The following SPON1 variants were observed in gnomAD, a reference collection of about 807,000 sequenced individuals.
SPON1 encodes spondin 1, also known as spondin-1.
A neutral mutation model predicts 111.7 loss-of-function variants in SPON1; 52 were observed. The ratio of observed to expected loss-of-function variants is 0.47; its 90% CI spans 0.37 to 0.59. The LOEUF is 0.59. SPON1 is among the 20% of genes least tolerant of loss of function. The pLI is 0.00. For missense variants in SPON1, 957 were observed against 1,068.5 expected (o/e 0.90, Z 1.46); for synonymous variants, 410 against 395.8 (o/e 1.04, Z -0.43).
Position 14,260,677 on chromosome 11 carries a change from C to A in SPON1, c.1921C>A (p.Leu641Ile), listed in dbSNP as rs782028036. 82 of 1,613,904 alleles carry A rather than the reference C, an allele frequency of 5.1e-5. No individual in the cohort carries two copies. The highest frequency in any genetic ancestry group is 1.6e-4 in the Middle Eastern group (1 of 6,084). Residue 641 changes from leucine (L) to isoleucine (I), a missense_variant, in exon 14 of 16, where the codon CTC becomes ATC. Coordinates refer to ENST00000576479, the MANE Select transcript of SPON1 (RefSeq NM_006108.4). ...GKGMRTRQRM[L>I]KSLAELGDCN... ...GGGCATGCGAACCCGACAGCGGATGCTCAAGTCTCTGGCAGAACTTGGAGA... is the reference window on the plus strand; with the variant it reads ...GGGCATGCGAACCCGACAGCGGATGATCAAGTCTCTGGCAGAACTTGGAGA...
rs375032700 is a variant in SPON1, at chr11:14,056,594, A to G, written c.479+14940A>G. ...AAAAAATCAAGACCAGGGAAAATCA[A>G]CATTAAAATATAACATCGGCTGGGC... On this transcript the variant is annotated intron_variant, in intron 3 of 15. Coordinates refer to ENST00000576479, the MANE Select transcript of SPON1 (RefSeq NM_006108.4). Among the ~76,000 whole-genome samples, 17 of 152,294 alleles carry G rather than the reference A, an allele frequency of 1.1e-4. No individual in the cohort carries two copies. The East Asian group carries it at 2.7e-3, about 24-fold the overall frequency.
intron 13 of SPON1, 90 bp from the exon 14 acceptor site, chr11:14,260,497 AG>A (rs1554941795): frequency 7.1e-7 from 1 of 1,402,414 alleles, no homozygotes; most frequent in Non-Finnish European, 9.7e-7. Context: ...GGGCCAAAGC[AG>A]GGGACTCGGT....
Position 14,102,436 on chromosome 11 carries a change from A to G in SPON1, c.676+22415A>G, listed in dbSNP as rs181671713. Among the ~76,000 whole-genome samples the G allele has an allele frequency of 9.7e-4, 148 of 152,324 alleles. 1 individual carries two copies. The highest frequency in any genetic ancestry group is 3.3e-3 in the African/African-American group (138 of 41,580). On this transcript the variant is annotated intron_variant, in intron 5 of 15. Transcript: ENST00000576479. ...TGAGACATTTTGCATTCTCTTTTTC[A>G]TAATATGATCCATTGTATTTTTTTA...
chr11:14,173,957 G>T (rs926860846), intron 6 of SPON1, among the ~76,000 whole-genome samples: 2 of 152,254 alleles, frequency 1.3e-5, no homozygotes, highest in Non-Finnish European at 2.9e-5. Flanking sequence ...TGAGGAGGCA[G>T]TCTGCCCAGT....
rs1201373177 is a variant in SPON1 at position 14,228,363 on chromosome 11, G to A, written c.826-14969G>A. 1.3e-5 allele frequency among the ~76,000 whole-genome samples: 2 copies of A among 152,212 alleles called. No individual in the cohort carries two copies. The highest frequency in any genetic ancestry group is 2.9e-5 in the Non-Finnish European group (2 of 68,028). On this transcript the variant is annotated intron_variant, in intron 6 of 15. Coordinates refer to ENST00000576479, the MANE Select transcript of SPON1 (RefSeq NM_006108.4). This position sits in a 1 kb window ranked among gnomAD's most constrained non-coding sequence, Gnocchi z 4.2. ...TCTCTTTAGCAGCTGGGTTCTCTGG[G>A]AAGGAGACCTGCATCAAGATTAGAG...
chr11:14,014,884 T>G (rs1173437391), intron 2 of SPON1, among the ~76,000 whole-genome samples: 1 of 152,230 alleles, frequency 6.6e-6, no homozygotes, highest in Non-Finnish European at 1.5e-5. Flanking sequence ...ACATGAAATT[T>G]TAAATGTCTC....
chr11:14,139,511 C>G (rs1003405022), intron 6 of SPON1, among the ~76,000 whole-genome samples: 1 of 152,146 alleles, frequency 6.6e-6, no homozygotes, highest in South Asian at 2.1e-4. Context: ...GTATTGGATG[C>G]TTCCTAAATG....
chr11:14,066,903 C>T (rs1591366310), intron 3 of SPON1, among the ~76,000 whole-genome samples: 3 of 152,082 alleles, frequency 2.0e-5, no homozygotes, highest in South Asian at 4.1e-4. Context: ...AGTGTGGGAG[C>T]AATAGCTCAC....
intron 2 of SPON1, among the ~76,000 whole-genome samples, chr11:14,004,777 G>A (rs1848346296): frequency 6.6e-6 from 1 of 151,960 alleles, no homozygotes; most frequent in Non-Finnish European, 1.5e-5. Flanking sequence ...TTGTTTGTTT[G>A]TTTTTTCAGT....
At chr11:14,204,488 A>G (rs1458532897) in intron 6 of SPON1, among the ~76,000 whole-genome samples, 1 of 151,624 alleles carries the variant, frequency 6.6e-6, no homozygotes, top group Admixed American at 6.6e-5. Flanking sequence ...AGGTCTCACT[A>G]TGTTGCCCAG....
intron 4 of SPON1, 95 bp from the exon 5 acceptor site, chr11:14,079,803 TC>T (rs149109625): frequency 7.4e-7 from 1 of 1,355,380 alleles, no homozygotes; most frequent in Non-Finnish European, 1.0e-6. Context: ...CATCTTCTTT[TC>T]CTAAGGGTTA....
At chr11:14,174,695 A>G (rs1848154270) in intron 6 of SPON1, among the ~76,000 whole-genome samples, 1 of 152,182 alleles carries the variant, frequency 6.6e-6, no homozygotes, top group South Asian at 2.1e-4. Flanking sequence ...GAGAAAAATA[A>G]TTCAGTCAAT....
At chr11:13,980,097 G>A (rs1848132754) in intron 1 of SPON1, among the ~76,000 whole-genome samples, 1 of 151,766 alleles carries the variant, frequency 6.6e-6, no homozygotes, top group African/African-American at 2.4e-5. Context: ...CTACAGTGCA[G>A]TGGTGCAATC....
chr11:14,056,610 T>C (rs782652194), intron 3 of SPON1, among the ~76,000 whole-genome samples: 4 of 152,128 alleles, frequency 2.6e-5, no homozygotes, highest in Non-Finnish European at 5.9e-5. Context: ...AAATATAACA[T>C]CGGCTGGGCA....
intron 5 of SPON1, among the ~76,000 whole-genome samples, chr11:14,108,237 C>T (rs145757845): frequency 8.8e-4 from 134 of 152,190 alleles, no homozygotes; most frequent in African/African-American, 2.8e-3. Context: ...TAAAATGAGA[C>T]GATGTATAAA....
intron 15 of SPON1, among the ~76,000 whole-genome samples, chr11:14,264,034 T>TAAA (rs113927403): frequency 1.7e-5 from 2 of 117,688 alleles, no homozygotes; most frequent in Non-Finnish European, 3.6e-5. Flanking sequence ...CGTCTCAAAT[T>TAAA]AAAAAAAAAA....
intron 6 of SPON1, among the ~76,000 whole-genome samples, chr11:14,183,656 C>G (rs1261247260): frequency 1.3e-5 from 2 of 152,090 alleles, no homozygotes; most frequent in African/African-American, 2.4e-5. Context: ...CTCCAACAGC[C>G]CTGTGAGCTG....
intron 2 of SPON1, among the ~76,000 whole-genome samples, chr11:14,034,247 T>C (rs1848578731): frequency 6.6e-6 from 1 of 152,212 alleles, no homozygotes; most frequent in Non-Finnish European, 1.5e-5. Flanking sequence ...AAATCACCCA[T>C]AATACTATTA....
chr11:14,231,132 T>A (rs1436204549), intron 6 of SPON1, among the ~76,000 whole-genome samples: 1 of 150,644 alleles, frequency 6.6e-6, no homozygotes, highest in African/African-American at 2.4e-5. Flanking sequence ...TTTCTTTTTT[T>A]TCTTTTTTTT....
Sources: allele counts gnomAD v4.1 joint callset (sites outside exome capture counted in the v4.1 genomes callset), GRCh38; gene constraint gnomAD v4.1.1; non-coding constraint Gnocchi (gnomAD v3.1); transcripts MANE v1.5; gene names NCBI Gene and HGNC (gene_info 2026-07-23, HGNC 2026-07-21).